Variants in PTPN9 observed in about 807,000 individuals in gnomAD.
PTPN9 encodes the protein tyrosine-protein phosphatase non-receptor type 9.
PTPN9 carries 26 observed loss-of-function variants against 69.8 expected under a neutral mutation model. The ratio of observed to expected loss-of-function variants is 0.37; its 90% CI spans 0.27 to 0.52. The LOEUF (loss-of-function observed/expected upper bound fraction) is 0.52. PTPN9 is among the 20% of genes least tolerant of loss of function. The pLI is 0.91. For synonymous variants in PTPN9, 274 were observed against 272.5 expected, an observed-to-expected ratio of 1.01 and a Z score of -0.05; for missense variants, 549 against 740.3, an observed-to-expected ratio of 0.74 and a Z score of 3.00.
chr15:75,525,593 T>C (rs1368133255), intron 2 of PTPN9, among the ~76,000 whole-genome samples: 1 of 151,870 alleles, frequency 6.6e-6, no homozygotes, highest in East Asian at 1.9e-4. Context: ...AAATATTATC[T>C]TGGTTTGTCT....
intron 8 of PTPN9, chr15:75,487,810 C>A (rs531770806): frequency 6.6e-6 from 1 of 152,296 alleles, no homozygotes; most frequent in South Asian, 2.1e-4. Flanking sequence ...AGTTGGAAAC[C>A]ATGATCCTGG....
chr15:75,529,332 A>G (rs952946499), intron 1 of PTPN9, among the ~76,000 whole-genome samples: 2 of 152,152 alleles, frequency 1.3e-5, no homozygotes, highest in Non-Finnish European at 2.9e-5. Flanking sequence ...AGCTTCATGC[A>G]TGGCTATTCT....
chr15:75,507,618 T>C (rs1263379774), intron 6 of PTPN9, among the ~76,000 whole-genome samples: 2 of 150,864 alleles, frequency 1.3e-5, no homozygotes, highest in Non-Finnish European at 2.9e-5. Flanking sequence ...ACACAAAAAA[T>C]TAGCCGGGCG....
intron 9 of PTPN9, among the ~76,000 whole-genome samples, chr15:75,474,335 A>G (rs2074584339): frequency 2.0e-5 from 3 of 152,156 alleles, no homozygotes; most frequent in African/African-American, 4.8e-5. Context: ...GCCTGGCAAC[A>G]TGGTAAAACC....
rs777818664 is a variant in PTPN9, at chr15:75,509,043, A to T, written c.529-16T>A. On this transcript the variant is annotated splice_polypyrimidine_tract_variant and intron_variant, in intron 5 of 12. Transcript: ENST00000618819. ...GAAATGCTCCCTGTGGAGAAAACACATGAGGATTTAAGTGTAATGGAACCT... is the reference window on the plus strand; with the variant it reads ...GAAATGCTCCCTGTGGAGAAAACACTTGAGGATTTAAGTGTAATGGAACCT... 6 of 1,600,774 alleles carry T rather than the reference A, an allele frequency of 3.7e-6. No homozygotes were observed. Among genetic ancestry groups the T allele is most frequent in the Middle Eastern group, 1.8e-4 (1 of 5,702 alleles).
chr15:75,539,053 G>A (rs962379675), intron 1 of PTPN9, among the ~76,000 whole-genome samples: 4 of 151,834 alleles, frequency 2.6e-5, no homozygotes, highest in African/African-American at 9.7e-5. Flanking sequence ...AAAATGAACT[G>A]GGAAACAGCA....
At chr15:75,513,316 A>G (rs368953948) in intron 5 of PTPN9, 49 of 456,106 alleles carry the variant, frequency 1.1e-4, no homozygotes, top group African/African-American at 9.8e-4. Flanking sequence ...TCTTTGAAGG[A>G]AAAGATGAAA....
rs80267640 is a variant in PTPN9, at chr15:75,483,331, TA to T, written c.1063-3418del. Among the ~76,000 whole-genome samples, 92 of 152,344 alleles carry T rather than the reference TA, an allele frequency of 6.0e-4. No homozygotes were observed. In the East Asian group the frequency reaches 0.017, roughly 28 times the overall value. On this transcript the variant is annotated intron_variant, in intron 8 of 12. Transcript: ENST00000618819. The stretch of plus-strand genomic sequence containing the variant: ...AACAACTCAAATGTCCTTCAACTGA[TA>T]AATGAATAAAAGTGGTATATCCATA...
At chr15:75,531,128 A>T (rs996331516) in intron 1 of PTPN9, among the ~76,000 whole-genome samples, 2 of 151,358 alleles carry the variant, frequency 1.3e-5, no homozygotes, top group Non-Finnish European at 2.9e-5. Flanking sequence ...CATCTGATTC[A>T]TCCCCCAATT....
At chr15:75,541,679 T>G (rs575698738) in intron 1 of PTPN9, among the ~76,000 whole-genome samples, 2 of 152,044 alleles carry the variant, frequency 1.3e-5, no homozygotes, top group Non-Finnish European at 2.9e-5. Context: ...GTGCTGGGAT[T>G]ACAGGCGTGA....
intron 1 of PTPN9, among the ~76,000 whole-genome samples, chr15:75,576,759 G>GAGTGC (rs758874127): frequency 3.3e-4 from 50 of 152,182 alleles, no homozygotes; most frequent in African/African-American, 6.7e-4. Flanking sequence ...AGTGAGCCAA[G>GAGTGC]ATCAGGCCAC....
chr15:75,557,747 T>A (rs575377563), intron 1 of PTPN9, among the ~76,000 whole-genome samples: 6 of 152,210 alleles, frequency 3.9e-5, no homozygotes, highest in Non-Finnish European at 7.3e-5. Context: ...CTTGTAGCAC[T>A]GTAAAGATAG....
chr15:75,537,367 A>C (rs1305867620), intron 1 of PTPN9, among the ~76,000 whole-genome samples: 40 of 147,134 alleles, frequency 2.7e-4, no homozygotes, highest in Non-Finnish European at 4.9e-4. Context: ...AAAAAAAAAA[A>C]AAAAACTAGT....
chr15:75,567,345 G>A (rs1158291002), intron 1 of PTPN9, among the ~76,000 whole-genome samples: 2 of 151,984 alleles, frequency 1.3e-5, no homozygotes, highest in Non-Finnish European at 2.9e-5. Flanking sequence ...TAAAAGATTG[G>A]TTGTAATAAT....
chr15:75,508,931 T>C lies in PTPN9; in HGVS notation c.625A>G (p.Lys209Glu), dbSNP rs748050343. The change falls in exon 6 of 13, where the codon AAA becomes GAA. Residue 209 changes from lysine (K) to glutamate (E), a missense_variant. Physicochemically the swap from Lys to Glu is moderately conservative, Grantham distance 56. Coordinates refer to ENST00000618819, the MANE Select transcript of PTPN9 (RefSeq NM_002833.4). The part of the protein sequence containing the change: ...YSIISLLLKD[K>E]VRERIQILKT... Reference sequence around the variant, plus strand: ...GCTTGCCTTACCCTCTCCCGGACTTTGTCCTTCAGGAGGAGACTGATGATG... The same window carrying C: ...GCTTGCCTTACCCTCTCCCGGACTTCGTCCTTCAGGAGGAGACTGATGATG... 3.7e-6 allele frequency: 6 copies of C among 1,613,188 alleles called. No homozygotes were observed. The highest frequency in any genetic ancestry group is 3.4e-6 in the Non-Finnish European group (4 of 1,179,186).
At chr15:75,523,671 T>C in intron 3 of PTPN9, among the ~76,000 whole-genome samples, 1 of 152,148 alleles carries the variant, frequency 6.6e-6, no homozygotes, top group East Asian at 1.9e-4. Context: ...GTGGAGAGCT[T>C]GCGTTAAATA....
chr15:75,463,513 T>C lies in PTPN9; in HGVS notation c.*5256A>G, dbSNP rs1399118155. 1 of 152,110 alleles carries C rather than the reference T, an allele frequency of 6.6e-6. No homozygotes were observed. The highest frequency in any genetic ancestry group is 1.9e-4 in the East Asian group (1 of 5,176). 9.4% of individuals were successfully genotyped at this position (152,110 alleles called of 1,614,324 possible). ...CCAACACCCCCAGCTAGGATTCTAG[T>C]GGAGTTAGCTATGTCCACCATGGCC... On this transcript the variant is annotated 3_prime_UTR_variant, in exon 13 of 13. Coordinates refer to ENST00000618819, the MANE Select transcript of PTPN9 (RefSeq NM_002833.4).
intron 8 of PTPN9, among the ~76,000 whole-genome samples, chr15:75,481,004 G>A (rs1236985135): frequency 1.2e-5 from 1 of 85,656 alleles, no homozygotes; most frequent in Admixed American, 1.1e-4. Flanking sequence ...CCGCCCGGCC[G>A]CCATCCCATC....
intron 7 of PTPN9, among the ~76,000 whole-genome samples, chr15:75,498,251 A>G (rs2074754156): frequency 6.6e-6 from 1 of 151,950 alleles, no homozygotes; most frequent in Non-Finnish European, 1.5e-5. Context: ...AGTGAATAAA[A>G]CCAATCCTAA....
Sources: gnomAD v4.1 joint callset for allele counts (sites outside exome capture counted in the v4.1 genomes callset) on GRCh38, gnomAD v4.1.1 for gene constraint, MANE v1.5 for transcripts, NCBI Gene and HGNC (gene_info 2026-07-23, HGNC 2026-07-21) for gene names.